TRPM7: variants seen among roughly 807,000 people sequenced by gnomAD.
The protein encoded by TRPM7 is LTRPC ion channel family member 7.
Under a neutral mutation model 229.7 loss-of-function variants are expected in TRPM7, and 134 were observed. That is an observed-to-expected ratio of 0.58 (90% CI 0.51 to 0.67). The LOEUF (loss-of-function observed/expected upper bound fraction) is 0.67. Among genes scored for constraint, TRPM7 ranks in the 30% least tolerant of loss-of-function variants. The probability of loss-of-function intolerance (pLI) is 0.00; values close to 1 mark genes in which losing one functional copy is unlikely to be tolerated. For missense variants in TRPM7, 1,901 were observed against 2,210.0 expected (o/e 0.86, Z 2.80); for synonymous variants, 699 against 715.2 (o/e 0.98, Z 0.36).
Position 50,671,846 on chromosome 15 carries a change from A to G in TRPM7, c.4-8800T>C, listed in dbSNP as rs376856283. ...ATGGCCTACTAACATCGCAGCCATC[A>G]TAAGTTCATAGCACCAGGACTACTT... is the stretch of plus-strand genomic sequence containing the variant. On this transcript the variant is annotated intron_variant, in intron 1 of 38. Coordinates refer to ENST00000646667, the MANE Select transcript of TRPM7 (RefSeq NM_017672.6). Among the ~76,000 whole-genome samples the G allele has an allele frequency of 2.0e-4, 31 of 152,240 alleles. No homozygotes were observed. The South Asian group carries it at 5.8e-3, about 28-fold the overall frequency.
At chr15:50,679,283 CATG>C (rs1234014260) in intron 1 of TRPM7, among the ~76,000 whole-genome samples, 2 of 149,656 alleles carry the variant, frequency 1.3e-5, no homozygotes, top group African/African-American at 2.5e-5. Context: ...TACAGTAAGC[CATG>C]ATGATGTCAC....
In TRPM7 at chr15:50,628,058, T is replaced by C. The variant is rs2060621190; in HGVS notation, c.1305+91A>G. ...TATTTTTGAACTATTGGCAGAAAGG[T>C]AAAATGTCAAGTCAGGTCACAGTTC... On this transcript the variant is annotated intron_variant, in intron 11 of 38. Transcript: ENST00000646667. The C allele has an allele frequency of 5.7e-5, 51 of 887,494 alleles. No individual in the cohort carries two copies. The South Asian group carries it at 8.1e-4, about 14-fold the overall frequency. The allele number at this position is 887,494 out of a possible 1,614,324, so 55.0% of individuals were successfully genotyped here. A position where few individuals can be genotyped will look rare whatever the true frequency, so the allele number is the denominator to read the frequency against.
At chr15:50,667,297 A>G (rs1446472648) in intron 1 of TRPM7, among the ~76,000 whole-genome samples, 1 of 152,212 alleles carries the variant, frequency 6.6e-6, no homozygotes, top group Non-Finnish European at 1.5e-5. Context: ...GAAGCCAGTA[A>G]TCCAATTAAG....
At chr15:50,660,706 A>G (rs923111889) in intron 2 of TRPM7, among the ~76,000 whole-genome samples, 1 of 152,172 alleles carries the variant, frequency 6.6e-6, no homozygotes, top group Non-Finnish European at 1.5e-5. Context: ...GGTGATGGAA[A>G]ATGTTACTCC....
chr15:50,588,323 A>T (rs2059395663), intron 27 of TRPM7: 2 of 598,750 alleles, frequency 3.3e-6, no homozygotes, highest in Non-Finnish European at 4.2e-6. Flanking sequence ...AAACCCAGGT[A>T]ATCATTACAC....
chr15:50,648,999 A>T, intron 3 of TRPM7, 114 bp from the exon 4 acceptor site: 1 of 691,714 alleles, frequency 1.4e-6, no homozygotes, highest in Non-Finnish European at 2.2e-6. Context: ...TATATTTTAT[A>T]TAAGTATAAA....
At chr15:50,587,304 A>G (rs945079819) in intron 27 of TRPM7, among the ~76,000 whole-genome samples, 15 of 150,630 alleles carry the variant, frequency 1.0e-4, no homozygotes, top group African/African-American at 3.7e-4. Flanking sequence ...TCTTTTGACT[A>G]TGTTTTTTAG....
chr15:50,670,376 A>G (rs2061962449), intron 1 of TRPM7, among the ~76,000 whole-genome samples: 1 of 152,168 alleles, frequency 6.6e-6, no homozygotes, highest in East Asian at 1.9e-4. Context: ...TGGGAGTCCA[A>G]CATAAGATAT....
intron 15 of TRPM7, among the ~76,000 whole-genome samples, chr15:50,613,068 TA>T (rs1001104594): frequency 1.3e-5 from 2 of 152,242 alleles, no homozygotes; most frequent in Non-Finnish European, 2.9e-5. Flanking sequence ...ATATTTCAAC[TA>T]ATATTCTAAT....
chr15:50,666,004 ATTT>A (rs2061869326), intron 1 of TRPM7, among the ~76,000 whole-genome samples: 1 of 151,906 alleles, frequency 6.6e-6, no homozygotes, highest in Non-Finnish European at 1.5e-5. Context: ...AAAAATAATA[ATTT>A]AAAAAAAAGG....
At chr15:50,577,971 T>A (rs1409269478) in intron 31 of TRPM7, among the ~76,000 whole-genome samples, 2 of 152,188 alleles carry the variant, frequency 1.3e-5, no homozygotes, top group African/African-American at 4.8e-5. Flanking sequence ...CAGTATATAC[T>A]GTACAATTTC....
intron 30 of TRPM7, among the ~76,000 whole-genome samples, chr15:50,579,289 T>C (rs2054286427): frequency 6.6e-6 from 1 of 152,188 alleles, no homozygotes; most frequent in Non-Finnish European, 1.5e-5. Context: ...AGCACTTTCA[T>C]TACACAGCTA....
At chr15:50,646,902 T>G (rs2061282956) in intron 4 of TRPM7, among the ~76,000 whole-genome samples, 1 of 152,156 alleles carries the variant, frequency 6.6e-6, no homozygotes, top group African/African-American at 2.4e-5. Context: ...CTGCCTACCA[T>G]ATTTAGTACA....
Position 50,613,879 on chromosome 15 carries a change from C to T in TRPM7, c.1636-38G>A, listed in dbSNP as rs73395578. On this transcript the variant is annotated intron_variant, in intron 14 of 38. Coordinates refer to ENST00000646667, the MANE Select transcript of TRPM7 (RefSeq NM_017672.6). ...TCTTATTAGCTTTTATAGATTTAAACGTGCTGACATGTTATAAAAATTCAA... is the reference window on the plus strand; with the variant it reads ...TCTTATTAGCTTTTATAGATTTAAATGTGCTGACATGTTATAAAAATTCAA... The T allele has an allele frequency of 1.4e-3, 2,242 of 1,590,706 alleles. 29 individuals carry two copies. In the African/African-American group the frequency reaches 0.022, roughly 16 times the overall value.
chr15:50,569,333 G>A (rs143994851), intron 38 of TRPM7, among the ~76,000 whole-genome samples: 1 of 152,102 alleles, frequency 6.6e-6, no homozygotes, highest in Non-Finnish European at 1.5e-5. Flanking sequence ...TTAATATCAT[G>A]AGACAATATA....
chr15:50,564,266 A>AATAAC (rs2053474255), intron 38 of TRPM7, among the ~76,000 whole-genome samples: 1 of 60,026 alleles, frequency 1.7e-5, no homozygotes, highest in African/African-American at 4.5e-5. Context: ...AATAAAATAA[A>AATAAC]ATAAAATAAA....
At chr15:50,569,189 T>C (rs996594579) in intron 38 of TRPM7, among the ~76,000 whole-genome samples, 1 of 152,110 alleles carries the variant, frequency 6.6e-6, no homozygotes, top group African/African-American at 2.4e-5. Context: ...CATGTGTCAC[T>C]GCTCCTGGTA....
intron 8 of TRPM7, 42 bp from the exon 9 acceptor site, chr15:50,633,034 T>C (rs768338576): frequency 1.9e-6 from 3 of 1,546,560 alleles, no homozygotes; most frequent in East Asian, 2.3e-5. Flanking sequence ...TCATCTTCCA[T>C]TATTTGTAGG....
At chr15:50,654,050 C>A (rs2061492983) in intron 3 of TRPM7, among the ~76,000 whole-genome samples, 1 of 152,270 alleles carries the variant, frequency 6.6e-6, no homozygotes, top group Admixed American at 6.5e-5. Context: ...GAAAATCAAA[C>A]CTGAATGGAC....
Sources: allele counts gnomAD v4.1 joint callset (sites outside exome capture counted in the v4.1 genomes callset), GRCh38; gene constraint gnomAD v4.1.1; transcripts MANE v1.5; gene names NCBI Gene and HGNC (gene_info 2026-07-23, HGNC 2026-07-21).